Variants in CHD7 observed in about 807,000 individuals in gnomAD.
CHD7 encodes ATP-dependent chromatin remodeler CHD7.
A neutral mutation model predicts 307.3 loss-of-function variants in CHD7; 24 were observed. The observed-to-expected ratio is 0.08, with a 90% CI of 0.06 to 0.11. The LOEUF (loss-of-function observed/expected upper bound fraction) is 0.11, where lower values mean the gene tolerates loss of function less well. CHD7 is among the 10% of genes least tolerant of loss of function. CHD7 has a pLI of 1.00. For missense variants in CHD7, 3,106 were observed against 3,727.1 expected, an observed-to-expected ratio of 0.83 and a Z score of 4.34; for synonymous variants, 1,363 against 1,349.9, an observed-to-expected ratio of 1.01 and a Z score of -0.21.
chr8:60,801,248 C>A (rs982908672), intron 5 of CHD7, among the ~76,000 whole-genome samples: 1 of 152,108 alleles, frequency 6.6e-6, no homozygotes, highest in Non-Finnish European at 1.5e-5. Flanking sequence ...ATTATTTTGT[C>A]TTGGTGGCTA....
chr8:60,856,135 T>A lies in CHD7; in HGVS notation c.7097T>A (p.Leu2366His), dbSNP rs541818422. The change falls in exon 33 of 38, where the codon CTC becomes CAC. Residue 2366 changes from leucine to histidine, a missense_variant. By Grantham distance (99) the Leu-to-His change is moderately conservative. Coordinates refer to ENST00000423902, the MANE Select transcript of CHD7 (RefSeq NM_017780.4). ...SPLQKRSFAELSMVGQASISG... is the reference protein window; with the variant it reads ...SPLQKRSFAEHSMVGQASISG... Reference sequence around the variant, plus strand: ...TTGCAGAAGAGGAGCTTTGCTGAGCTCTCCATGGTCGGCCAAGCCAGCATT... The same window carrying A: ...TTGCAGAAGAGGAGCTTTGCTGAGCACTCCATGGTCGGCCAAGCCAGCATT... 1.2e-6 allele frequency: 2 copies of A among 1,609,150 alleles called. No homozygotes were observed. The highest frequency in any genetic ancestry group is 1.7e-6 in the Non-Finnish European group (2 of 1,177,638).
At chr8:60,689,133 C>A (rs1008500705) in intron 1 of CHD7, among the ~76,000 whole-genome samples, 6 of 152,138 alleles carry the variant, frequency 3.9e-5, no homozygotes, top group African/African-American at 1.2e-4. Flanking sequence ...TTATTCTATT[C>A]TATTTCTTTA....
In CHD7 at chr8:60,852,632, G is replaced by A; in HGVS notation, c.6029G>A (p.Ser2010Asn). ...FARLDKKSDE[S>N]LEKYFSCFVA... ...AGGCTTGACAAAAAATCTGATGAGA[G>A]TTTGGAGAAATACTTCAGTTGTTTT... Residue 2010 changes from serine (S) to asparagine (N), a missense_variant, in exon 30 of 38, where the codon AGT becomes AAT. Around this residue, in one of 10 missense-constraint regions of CHD7, gnomAD observed 1,030 missense variants for 1,165.4 expected, o/e 0.88. Coordinates refer to ENST00000423902, the MANE Select transcript of CHD7 (RefSeq NM_017780.4). The A allele has an allele frequency of 6.2e-7, 1 of 1,614,016 alleles. No homozygotes were observed. The highest frequency in any genetic ancestry group is 8.5e-7 in the Non-Finnish European group (1 of 1,179,896).
intron 1 of CHD7, among the ~76,000 whole-genome samples, chr8:60,714,013 A>G (rs1055238428): frequency 2.8e-4 from 42 of 151,710 alleles, no homozygotes; most frequent in African/African-American, 9.9e-4. Flanking sequence ...GAAAAAAGGC[A>G]TGCCTTCATT....
At chr8:60,807,448 A>G (rs1812588409) in intron 6 of CHD7, among the ~76,000 whole-genome samples, 1 of 152,268 alleles carries the variant, frequency 6.6e-6, no homozygotes, top group Non-Finnish European at 1.5e-5. Context: ...TGCCTAAAAT[A>G]CCATCTGAAC....
chr8:60,711,687 A>G (rs757488882), intron 1 of CHD7, among the ~76,000 whole-genome samples: 9 of 152,226 alleles, frequency 5.9e-5, no homozygotes, highest in Admixed American at 4.6e-4. Context: ...TTTGTAGCCT[A>G]TAATTGTCTA....
chr8:60,749,306 G>T (rs1224581681), intron 2 of CHD7, among the ~76,000 whole-genome samples: 1 of 138,130 alleles, frequency 7.2e-6, no homozygotes, highest in African/African-American at 2.6e-5. Context: ...GTGAGGCGGA[G>T]GTTGTGGTGA....
At chr8:60,794,317 TTTA>T (rs1301558146) in intron 3 of CHD7, among the ~76,000 whole-genome samples, 2 of 152,344 alleles carry the variant, frequency 1.3e-5, no homozygotes, top group East Asian at 3.9e-4. Context: ...AAACATGCAC[TTTA>T]TTAGGGTTGC....
At chr8:60,777,154 C>G (rs562470244) in intron 2 of CHD7, among the ~76,000 whole-genome samples, 2 of 152,062 alleles carry the variant, frequency 1.3e-5, no homozygotes, top group East Asian at 3.8e-4. Flanking sequence ...TATTCTGGTC[C>G]GCTTGGTACC....
chr8:60,696,242 AT>A (rs1806460592), intron 1 of CHD7, among the ~76,000 whole-genome samples: 1 of 152,240 alleles, frequency 6.6e-6, no homozygotes, highest in Non-Finnish European at 1.5e-5. Context: ...TACAAATTAA[AT>A]TATAAACATA....
At chr8:60,732,825 T>G (rs1430083588) in intron 1 of CHD7, among the ~76,000 whole-genome samples, 1 of 152,220 alleles carries the variant, frequency 6.6e-6, no homozygotes, top group Non-Finnish European at 1.5e-5. Context: ...TTCTGAAATT[T>G]AATTTTTTTC....
chr8:60,791,505 A>T (rs1811769977), intron 3 of CHD7, among the ~76,000 whole-genome samples: 1 of 152,232 alleles, frequency 6.6e-6, no homozygotes, highest in Non-Finnish European at 1.5e-5. Flanking sequence ...CCGACCTAGA[A>T]CAGTGGCCCT....
At chr8:60,735,267 C>T (rs745519542) in intron 1 of CHD7, among the ~76,000 whole-genome samples, 1 of 152,210 alleles carries the variant, frequency 6.6e-6, no homozygotes, top group Non-Finnish European at 1.5e-5. Flanking sequence ...GATGGTGTTA[C>T]TGTCATAGCG....
intron 1 of CHD7, among the ~76,000 whole-genome samples, chr8:60,734,666 G>A (rs969938539): frequency 7.9e-5 from 12 of 152,264 alleles, no homozygotes; most frequent in African/African-American, 2.9e-4. Flanking sequence ...CTGATGGATG[G>A]TTGGTAAACT....
intron 3 of CHD7, among the ~76,000 whole-genome samples, chr8:60,790,671 T>C (rs1159688678): frequency 2.0e-5 from 3 of 152,216 alleles, no homozygotes; most frequent in Admixed American, 6.5e-5. Context: ...TTAACAATTA[T>C]AAGTAACCTA....
At chr8:60,839,710 A>G (rs771411276) in intron 19 of CHD7, among the ~76,000 whole-genome samples, 3 of 152,104 alleles carry the variant, frequency 2.0e-5, no homozygotes, top group Non-Finnish European at 4.4e-5. Flanking sequence ...GCATCTTTTC[A>G]TGTGCTTATT....
intron 1 of CHD7, among the ~76,000 whole-genome samples, chr8:60,687,936 G>T (rs1805994718): frequency 6.6e-6 from 1 of 152,216 alleles, no homozygotes. Flanking sequence ...AGCTTGCATT[G>T]TTGCCGTCTT....
At chr8:60,826,685 T>A (rs1804266894) in intron 13 of CHD7, among the ~76,000 whole-genome samples, 1 of 152,168 alleles carries the variant, frequency 6.6e-6, no homozygotes, top group Admixed American at 6.5e-5. Flanking sequence ...GATGATACAT[T>A]GAGGGGCAGT....
chr8:60,831,121 T>C lies in CHD7; in HGVS notation c.3778+544T>C, dbSNP rs534400749. On this transcript the variant is annotated intron_variant, in intron 15 of 37. Transcript: ENST00000423902. The stretch of plus-strand genomic sequence containing the variant: ...TTTCTTAACTAAATTCATAGTGTTA[T>C]GTAACTCATGGCTTAAAACCTTTAT... Among the ~76,000 whole-genome samples the C allele has an allele frequency of 2.0e-5, 3 of 152,358 alleles. No individual in the cohort carries two copies. The East Asian group carries it at 5.8e-4, about 29-fold the overall frequency.
Sources: gnomAD v4.1 joint callset for allele counts (sites outside exome capture counted in the v4.1 genomes callset) on GRCh38, gnomAD v4.1.1 for gene constraint, gnomAD v4.1.1 regional missense constraint, MANE v1.5 for transcripts, NCBI Gene and HGNC (gene_info 2026-07-23, HGNC 2026-07-21) for gene names.